The following DOCK2 variants were observed in gnomAD, a reference collection of about 807,000 sequenced individuals.
DOCK2 encodes the protein dedicator of cytokinesis protein 2.
DOCK2 carries 87 observed loss-of-function variants against 248.9 expected under a neutral mutation model. That is an observed-to-expected ratio of 0.35 (90% CI 0.29 to 0.42). The LOEUF (loss-of-function observed/expected upper bound fraction) is 0.42, where lower values mean the gene tolerates loss of function less well. DOCK2 is among the 10% of genes least tolerant of loss of function. DOCK2 has a pLI of 1.00. For synonymous variants in DOCK2, 805 were observed against 821.6 expected, an observed-to-expected ratio of 0.98 and a Z score of 0.35; for missense variants, 1,747 against 2,300.2, an observed-to-expected ratio of 0.76 and a Z score of 4.92.
chr5:169,650,068 G>A (rs1201654715), intron 1 of DOCK2, among the ~76,000 whole-genome samples: 2 of 152,134 alleles, frequency 1.3e-5, no homozygotes, highest in Non-Finnish European at 2.9e-5. Context: ...CTAGTGTTGG[G>A]ATTACAGGCG....
intron 27 of DOCK2, among the ~76,000 whole-genome samples, chr5:169,957,113 C>T (rs996196045): frequency 6.6e-6 from 1 of 152,096 alleles, no homozygotes; most frequent in Non-Finnish European, 1.5e-5. Context: ...AGTAATAAGA[C>T]TGTCAGTGCC....
At chr5:169,718,527 C>T in intron 21 of DOCK2, 130 bp from the exon 22 acceptor site, 1 of 918,864 alleles carries the variant, frequency 1.1e-6, no homozygotes, top group Non-Finnish European at 1.5e-6. Flanking sequence ...TATCTTTATG[C>T]TTACAAATGA....
chr5:169,913,013 C>A (rs1774693516), intron 27 of DOCK2, among the ~76,000 whole-genome samples: 1 of 151,982 alleles, frequency 6.6e-6, no homozygotes, highest in African/African-American at 2.4e-5. Flanking sequence ...GTAAATTGTT[C>A]CTCAATTGTA....
At chr5:170,063,305 A>G (rs1242939280) in intron 44 of DOCK2, among the ~76,000 whole-genome samples, 1 of 152,198 alleles carries the variant, frequency 6.6e-6, no homozygotes, top group East Asian at 1.9e-4. Context: ...AAAGGACTCC[A>G]TCTAAACCTC....
chr5:169,674,773 T>A (rs1020815086), intron 6 of DOCK2, among the ~76,000 whole-genome samples: 2 of 152,224 alleles, frequency 1.3e-5, no homozygotes, highest in Non-Finnish European at 2.9e-5. Context: ...TACCTGCATT[T>A]GCAAAACTCT....
At position 169,671,872 on chromosome 5, in the gene DOCK2, A is replaced by G. The variant is rs150718785; in HGVS notation, c.321+698A>G. Among the ~76,000 whole-genome samples, 6 of 152,356 alleles carry G rather than the reference A, an allele frequency of 3.9e-5. No homozygotes were observed. In the East Asian group the frequency reaches 1.2e-3, roughly 29 times the overall value. On this transcript the variant is annotated intron_variant, in intron 5 of 51. Coordinates refer to ENST00000520908, the MANE Select transcript of DOCK2 (RefSeq NM_004946.3). The stretch of plus-strand genomic sequence containing the variant: ...TTGACTCCCATGTGGACATTTCATA[A>G]TATGAAGATGTAATTGGCACACTCA...
intron 27 of DOCK2, among the ~76,000 whole-genome samples, chr5:169,846,277 C>T (rs1770298306): frequency 6.6e-6 from 1 of 152,010 alleles, no homozygotes; most frequent in African/African-American, 2.4e-5. Context: ...AGGAACATTG[C>T]AGTAAAAGGT....
chr5:169,893,242 G>A (rs1407848826), intron 27 of DOCK2, among the ~76,000 whole-genome samples: 1 of 151,900 alleles, frequency 6.6e-6, no homozygotes, highest in African/African-American at 2.4e-5. Flanking sequence ...GGCATTGGCT[G>A]CTGCTGCTGC....
chr5:169,775,150 T>A (rs1765312727), intron 25 of DOCK2, among the ~76,000 whole-genome samples: 1 of 152,196 alleles, frequency 6.6e-6, no homozygotes, highest in Non-Finnish European at 1.5e-5. Context: ...CCTCAGGTGA[T>A]CTGCCCACCT....
At chr5:169,847,101 G>A (rs1032212515) in intron 27 of DOCK2, among the ~76,000 whole-genome samples, 3 of 152,164 alleles carry the variant, frequency 2.0e-5, no homozygotes, top group Non-Finnish European at 4.4e-5. Context: ...TTAGCTGATG[G>A]GCACTTAGGT....
chr5:169,807,634 C>A (rs1165247927), intron 26 of DOCK2, among the ~76,000 whole-genome samples: 1 of 151,842 alleles, frequency 6.6e-6, no homozygotes, highest in Non-Finnish European at 1.5e-5. Flanking sequence ...AGATCGAGAC[C>A]ATCCTGGCTA....
At chr5:170,038,808 G>A (rs751273572) in intron 36 of DOCK2, among the ~76,000 whole-genome samples, 1 of 152,208 alleles carries the variant, frequency 6.6e-6, no homozygotes, top group Non-Finnish European at 1.5e-5. Context: ...GGGTGCCAAA[G>A]GAGGAGTTGA....
At chr5:169,728,743 T>C (rs1762615941) in intron 22 of DOCK2, among the ~76,000 whole-genome samples, 1 of 152,228 alleles carries the variant, frequency 6.6e-6, no homozygotes, top group African/African-American at 2.4e-5. Flanking sequence ...TACCTACATT[T>C]GGATTGCCTT....
At chr5:170,066,209 C>A (rs567083443) in intron 44 of DOCK2, among the ~76,000 whole-genome samples, 1 of 151,802 alleles carries the variant, frequency 6.6e-6, no homozygotes, top group South Asian at 2.1e-4. Flanking sequence ...CTCGGCCTCC[C>A]GCAAATGAAA....
intron 27 of DOCK2, among the ~76,000 whole-genome samples, chr5:169,872,098 G>C (rs1446736460): frequency 6.6e-6 from 1 of 152,154 alleles, no homozygotes; most frequent in Non-Finnish European, 1.5e-5. Context: ...ATGATTCATG[G>C]CGTCTCCCTG....
chr5:169,897,091 A>T (rs1773652686), intron 27 of DOCK2, among the ~76,000 whole-genome samples: 1 of 152,204 alleles, frequency 6.6e-6, no homozygotes, highest in African/African-American at 2.4e-5. Context: ...ATTTATTATG[A>T]ATTTATTTAC....
intron 28 of DOCK2, among the ~76,000 whole-genome samples, 168 bp from the exon 29 acceptor site, chr5:169,985,660 G>A (rs1338432504): frequency 6.6e-6 from 1 of 152,188 alleles, no homozygotes; most frequent in Non-Finnish European, 1.5e-5. Context: ...TTGGGAAACA[G>A]CATTCCAGCA....
At chr5:170,033,470 C>T (rs1354228394) in intron 34 of DOCK2, among the ~76,000 whole-genome samples, 1 of 152,304 alleles carries the variant, frequency 6.6e-6, no homozygotes, top group Middle Eastern at 3.4e-3. Context: ...GCCATCACTA[C>T]GAGTTTGGTG....
At chr5:169,801,146 G>GTTTTTT (rs60574755) in intron 25 of DOCK2, among the ~76,000 whole-genome samples, 9 of 76,074 alleles carry the variant, frequency 1.2e-4, no homozygotes, top group East Asian at 4.9e-4. Context: ...ATAGTTTTGG[G>GTTTTTT]TTTTTTTTTT....
Sources: allele counts gnomAD v4.1 joint callset (sites outside exome capture counted in the v4.1 genomes callset), GRCh38; gene constraint gnomAD v4.1.1; transcripts MANE v1.5; gene names NCBI Gene and HGNC (gene_info 2026-07-23, HGNC 2026-07-21).